The following CNTN4 variants were observed in gnomAD, a reference collection of about 807,000 sequenced individuals.
CNTN4 encodes contactin-4.
In CNTN4, 77 loss-of-function variants were observed where a neutral mutation model predicts 122.5. That is an observed-to-expected ratio of 0.63 (90% confidence interval 0.52 to 0.76). The LOEUF (loss-of-function observed/expected upper bound fraction) is 0.76, where lower values mean the gene tolerates loss of function less well. Ranked by LOEUF, CNTN4 falls within the 30% of genes least tolerant of loss-of-function variation. The probability of loss-of-function intolerance (pLI) is 0.00; values close to 1 mark genes in which losing one functional copy is unlikely to be tolerated. For synonymous variants in CNTN4, 512 were observed against 447.0 expected (o/e 1.15, Z -1.83); for missense variants, 1,256 against 1,259.1 (o/e 1.00, Z 0.04).
intron 6 of CNTN4, among the ~76,000 whole-genome samples, chr3:2,779,597 A>C (rs2091486736): frequency 1.3e-5 from 2 of 152,224 alleles, no homozygotes; most frequent in Admixed American, 1.3e-4. Flanking sequence ...AAGAGTTTGA[A>C]TGGTAGCTCT....
intron 2 of CNTN4, among the ~76,000 whole-genome samples, chr3:2,196,115 G>A (rs895776412): frequency 2.6e-5 from 4 of 152,140 alleles, no homozygotes; most frequent in Non-Finnish European, 4.4e-5. Flanking sequence ...TTTATACAAA[G>A]CTGTTATGTC....
At chr3:2,845,892 T>A (rs2093448047) in intron 7 of CNTN4, among the ~76,000 whole-genome samples, 1 of 152,212 alleles carries the variant, frequency 6.6e-6, no homozygotes, top group African/African-American at 2.4e-5. Context: ...AACTTGGCTT[T>A]TTCAAAATAG....
intron 3 of CNTN4, among the ~76,000 whole-genome samples, chr3:2,560,489 A>T (rs947088168): frequency 2.6e-5 from 4 of 152,114 alleles, no homozygotes; most frequent in Admixed American, 1.3e-4. Context: ...TTCTAAGTAA[A>T]ACAACACTTA....
intron 14 of CNTN4, among the ~76,000 whole-genome samples, chr3:3,022,696 C>T (rs969922973): frequency 2.0e-5 from 3 of 152,052 alleles, no homozygotes; most frequent in Non-Finnish European, 2.9e-5. Context: ...GTCATTTATA[C>T]GTTATAGAAA....
intron 2 of CNTN4, among the ~76,000 whole-genome samples, chr3:2,190,331 G>GGT (rs145286003): frequency 0.024 from 3,534 of 147,226 alleles, 128 homozygotes; most frequent in African/African-American, 0.084. Context: ...GTGTCTTTGT[G>GGT]TTTTTTTTTT....
chr3:2,858,500 C>T (rs1329534796), intron 7 of CNTN4, among the ~76,000 whole-genome samples: 1 of 152,040 alleles, frequency 6.6e-6, no homozygotes, highest in African/African-American at 2.4e-5. Flanking sequence ...CTGTGATGGG[C>T]AGATCACTTG....
intron 14 of CNTN4, among the ~76,000 whole-genome samples, chr3:3,020,997 A>G (rs1380104933): frequency 1.3e-5 from 2 of 152,344 alleles, no homozygotes; most frequent in African/African-American, 4.8e-5. Flanking sequence ...TGTGTTATTT[A>G]TGCAACCTAA....
At chr3:2,985,684 G>T (rs971855902) in intron 13 of CNTN4, 9 of 152,172 alleles carry the variant, frequency 5.9e-5, no homozygotes, top group Non-Finnish European at 1.3e-4. Flanking sequence ...GGCACCGCCA[G>T]CAGGTACAAA....
chr3:2,958,490 C>T (rs2094822587), intron 13 of CNTN4, among the ~76,000 whole-genome samples: 1 of 152,142 alleles, frequency 6.6e-6, no homozygotes, highest in Non-Finnish European at 1.5e-5. Context: ...TGTGCTTCTT[C>T]TAAATGTTAG....
At chr3:2,265,482 A>G (rs1485690774) in intron 2 of CNTN4, among the ~76,000 whole-genome samples, 1 of 151,996 alleles carries the variant, frequency 6.6e-6, no homozygotes, top group African/African-American at 2.4e-5. Flanking sequence ...ATAATTTGAA[A>G]TCACATAGTA....
chr3:2,639,677 T>G lies in CNTN4; in HGVS notation c.55+68119T>G, dbSNP rs145667678. ...ATGCATATTTATTAAATGAATGAATTTTTCTTTGTCTGAAATAAATTTATT... is the reference window on the plus strand; with the variant it reads ...ATGCATATTTATTAAATGAATGAATGTTTCTTTGTCTGAAATAAATTTATT... On this transcript the variant is annotated intron_variant, in intron 4 of 24. Transcript: ENST00000418658. Among the ~76,000 whole-genome samples, 12 of 152,350 alleles carry G rather than the reference T, an allele frequency of 7.9e-5. No individual in the cohort carries two copies. In the East Asian group the frequency reaches 2.1e-3, roughly 27 times the overall value.
chr3:2,408,459 A>G (rs1251483117), intron 3 of CNTN4, among the ~76,000 whole-genome samples: 1 of 152,206 alleles, frequency 6.6e-6, no homozygotes, highest in Non-Finnish European at 1.5e-5. Flanking sequence ...GGAGAAAGTC[A>G]TGCCAGCAGT....
chr3:2,262,423 AT>A (rs2040868920), intron 2 of CNTN4: 1 of 152,198 alleles, frequency 6.6e-6, no homozygotes, highest in Non-Finnish European at 1.5e-5. Flanking sequence ...AAAAGCTCTC[AT>A]GCTGAGGTAA....
At chr3:2,906,625 G>A (rs1056228514) in intron 12 of CNTN4, among the ~76,000 whole-genome samples, 48 of 152,064 alleles carry the variant, frequency 3.2e-4, no homozygotes, top group African/African-American at 1.0e-3. Context: ...ATCACCTGAG[G>A]TTGGGAGATC....
intron 13 of CNTN4, among the ~76,000 whole-genome samples, chr3:2,965,057 A>G (rs1330856908): frequency 6.6e-6 from 1 of 152,214 alleles, no homozygotes; most frequent in Non-Finnish European, 1.5e-5. Flanking sequence ...CTGTGATTCT[A>G]TTACGGTGTG....
intron 2 of CNTN4, among the ~76,000 whole-genome samples, chr3:2,287,647 A>G (rs201738540): frequency 0.25 from 10,124 of 40,072 alleles, 489 homozygotes; most frequent in South Asian, 0.28. Context: ...GAAGAAGAAG[A>G]AGAAGAAGAA....
intron 4 of CNTN4, among the ~76,000 whole-genome samples, chr3:2,697,275 G>A (rs114840166): frequency 0.026 from 3,983 of 152,270 alleles, 89 homozygotes; most frequent in Admixed American, 0.066. Context: ...AATGTCTGTG[G>A]TATGCCTGCC....
chr3:2,373,794 G>A (rs534454493), intron 3 of CNTN4, among the ~76,000 whole-genome samples: 1 of 152,148 alleles, frequency 6.6e-6, no homozygotes, highest in Admixed American at 6.5e-5. Context: ...AGGAATTTCA[G>A]TTCTAGAAAG....
intron 4 of CNTN4, among the ~76,000 whole-genome samples, chr3:2,725,030 T>A (rs2088122982): frequency 1.3e-5 from 2 of 152,194 alleles, no homozygotes; most frequent in Admixed American, 1.3e-4. Context: ...CCAAAGCAGA[T>A]CTTCTAGATC....
Sources: gnomAD v4.1 joint callset for allele counts (sites outside exome capture counted in the v4.1 genomes callset) on GRCh38, gnomAD v4.1.1 for gene constraint, MANE v1.5 for transcripts, NCBI Gene and HGNC (gene_info 2026-07-23, HGNC 2026-07-21) for gene names.